COPS9: variants seen among roughly 807,000 people sequenced by gnomAD.
COPS9 encodes the protein COP9 signalosome complex subunit 9.
Under a neutral mutation model 7.2 loss-of-function variants are expected in COPS9, and 8 were observed. The ratio of observed to expected loss-of-function variants is 1.11; its 90% CI spans 0.65 to 2.00. COPS9 has a LOEUF of 2.00. COPS9 is among the 30% of genes most tolerant of loss of function. COPS9 has a pLI of 0.00. For missense variants in COPS9, 74 were observed against 77.7 expected (o/e 0.95, Z 0.18); for synonymous variants, 39 against 28.7 (o/e 1.36, Z -1.14).
At chr2:240,135,076 C>T (rs777831013) in intron 1 of COPS9, among the ~76,000 whole-genome samples, 22 of 152,112 alleles carry the variant, frequency 1.4e-4, no homozygotes, top group Non-Finnish European at 5.9e-5. Context: ...GAGCCACCCT[C>T]TTTAGCATGG....
chr2:240,130,741 C>T (rs1015926298), downstream of COPS9: 160 of 1,134,108 alleles, frequency 1.4e-4, no homozygotes, highest in Middle Eastern at 3.3e-4. Context: ...GACAGATGCA[C>T]GCACATGCAT....
intron 2 of COPS9, among the ~76,000 whole-genome samples, chr2:240,131,432 C>T (rs2071922140): frequency 6.6e-6 from 1 of 152,242 alleles, no homozygotes; most frequent in South Asian, 2.1e-4. Context: ...AGTGCACGGG[C>T]ACCCAAGATG....
chr2:240,136,138 C>T (rs1258712260), intron 1 of COPS9, 84 bp downstream of exon 1: 41 of 1,374,662 alleles, frequency 3.0e-5, no homozygotes, highest in Non-Finnish European at 3.8e-5. Context: ...CTCCCCTCCC[C>T]GGGACCCGCG....
chr2:240,131,221 C>T, intron 2 of COPS9, 133 bp from the exon 3 acceptor site: 2 of 1,093,314 alleles, frequency 1.8e-6, no homozygotes, highest in South Asian at 1.5e-5. Flanking sequence ...AAAGACTTTT[C>T]CCGTAACAGA....
At chr2:240,129,783 G>A (rs948163378), downstream of COPS9, 32 of 709,682 alleles carry the variant, frequency 4.5e-5, no homozygotes, top group East Asian at 4.6e-4. Context: ...AAGTGCAGAC[G>A]ACGTGCACGC....
intron 1 of COPS9, chr2:240,134,410 C>T: frequency 5.7e-6 from 1 of 176,438 alleles, no homozygotes; most frequent in Non-Finnish European, 1.2e-5. Flanking sequence ...AATGAAACCA[C>T]TTCCCCGAGG....
At chr2:240,126,794 T>C (rs1404289487), downstream of COPS9, 1 of 1,614,218 alleles carries the variant, frequency 6.2e-7, no homozygotes, top group Non-Finnish European at 8.5e-7. Context: ...CTGTGCCCAT[T>C]TTCCCCTCAC....
At chr2:240,134,457 C>G (rs12620441) in intron 1 of COPS9, among the ~76,000 whole-genome samples, 2,359 of 152,258 alleles carry the variant, frequency 0.015, 44 homozygotes, top group East Asian at 0.089. Flanking sequence ...TCTGGTGCCC[C>G]GCTGCTATCA....
chr2:240,134,205 G>T (rs2071951136), intron 1 of COPS9, 200 bp from the exon 2 acceptor site: 1 of 575,022 alleles, frequency 1.7e-6, no homozygotes, highest in East Asian at 2.9e-5. Context: ...GATTTTTAAG[G>T]TCTCTCAAGG....
chr2:240,126,623 T>C (rs2071867621), downstream of COPS9: 1 of 1,614,236 alleles, frequency 6.2e-7, no homozygotes, highest in Non-Finnish European at 8.5e-7. Flanking sequence ...CAGCAACGGA[T>C]GGTGTTTCAT....
At chr2:240,128,972 G>A (rs1256948447), downstream of COPS9, among the ~76,000 whole-genome samples, 2 of 152,216 alleles carry the variant, frequency 1.3e-5, no homozygotes, top group Admixed American at 1.3e-4. Context: ...CTTAGACCAG[G>A]CAAACCTGAA....
intron 1 of COPS9, chr2:240,134,319 G>C (rs1023694036): frequency 1.2e-5 from 3 of 260,188 alleles, no homozygotes; most frequent in South Asian, 1.7e-4. Context: ...CCGATCCCTC[G>C]CCGGACATCG....
intron 1 of COPS9, among the ~76,000 whole-genome samples, chr2:240,134,625 C>A (rs990066020): frequency 1.3e-5 from 2 of 152,164 alleles, no homozygotes; most frequent in Non-Finnish European, 2.9e-5. Context: ...CAGCTGGCCA[C>A]AGGTCCTGCT....
At chr2:240,129,046 T>A (rs868721393), downstream of COPS9, among the ~76,000 whole-genome samples, 2 of 152,338 alleles carry the variant, frequency 1.3e-5, no homozygotes, top group Middle Eastern at 3.4e-3. Context: ...GGTGTGCCCA[T>A]CTGCACTCTG....
Position 240,132,679 on chromosome 2 carries a change from G to A in COPS9, c.136+1254C>T, listed in dbSNP as rs927127498. On this transcript the variant is annotated intron_variant, in intron 2 of 2. Transcript: ENST00000607357. The surrounding 1 kb of genome is among the most constrained non-coding windows in gnomAD (Gnocchi z 4.1). ...ACCAATGGGCTGGCAGAGGATAAAT[G>A]GGACTTTGAAGGAGATCATCAAAAT... 1.3e-5 allele frequency among the ~76,000 whole-genome samples: 2 copies of A among 152,178 alleles called. No individual in the cohort carries two copies. Among genetic ancestry groups the A allele is most frequent in the Admixed American group, 6.5e-5 (1 of 15,286 alleles).
intron 2 of COPS9, among the ~76,000 whole-genome samples, 198 bp from the exon 3 acceptor site, chr2:240,131,286 G>A (rs1447270290): frequency 1.3e-5 from 2 of 152,218 alleles, no homozygotes; most frequent in African/African-American, 4.8e-5. Flanking sequence ...GAGAGTGTTG[G>A]CTAGAGTGCT....
intron 1 of COPS9, among the ~76,000 whole-genome samples, chr2:240,135,056 G>A (rs895137368): frequency 2.0e-5 from 3 of 152,036 alleles, no homozygotes; most frequent in East Asian, 1.9e-4. Flanking sequence ...CTTCGGGAGC[G>A]GGGTGCACAG....
chr2:240,135,930 A>G, intron 1 of COPS9: 1 of 463,114 alleles, frequency 2.2e-6, no homozygotes. Flanking sequence ...TCCTCTGACC[A>G]CGGGTGTGTT....
chr2:240,130,947 A>C lies in COPS9; in HGVS notation c.*104T>G, dbSNP rs2071915617. The C allele has an allele frequency of 1.3e-6, 2 of 1,517,264 alleles. No homozygotes were observed. Among genetic ancestry groups the C allele is most frequent in the African/African-American group, 2.8e-5 (2 of 71,982 alleles). The allele number at this position is 1,517,264 out of a possible 1,614,324, so 94.0% of individuals were successfully genotyped here. On this transcript the variant is annotated 3_prime_UTR_variant, in exon 3 of 3. Transcript: ENST00000607357. ...TCTGGTTAACCAGGTCCTAAATTCA[A>C]GGGATTTCCACGTGTTCTTTAAAAC...
Sources: gnomAD v4.1 joint callset for allele counts (sites outside exome capture counted in the v4.1 genomes callset) on GRCh38, gnomAD v4.1.1 for gene constraint, Gnocchi (gnomAD v3.1) non-coding constraint, MANE v1.5 for transcripts, NCBI Gene and HGNC (gene_info 2026-07-23, HGNC 2026-07-21) for gene names.